The following NEK10 variants were observed in gnomAD, a reference collection of about 807,000 sequenced individuals.
NEK10 encodes NIMA related kinase 10.
In NEK10, 122 loss-of-function variants were observed where a neutral mutation model predicts 159.8. The observed-to-expected ratio is 0.76, with a 90% confidence interval of 0.66 to 0.89. The LOEUF (loss-of-function observed/expected upper bound fraction) is 0.89. Among genes scored for constraint, NEK10 ranks in the 40% least tolerant of loss-of-function variants. NEK10 has a pLI of 0.00. For synonymous variants in NEK10, 466 were observed against 457.1 expected, an observed-to-expected ratio of 1.02 and a Z score of -0.25; for missense variants, 1,342 against 1,323.1, an observed-to-expected ratio of 1.01 and a Z score of -0.22.
intron 3 of NEK10, among the ~76,000 whole-genome samples, chr3:27,352,065 G>T (rs1260382375): frequency 6.6e-6 from 1 of 152,152 alleles, no homozygotes; most frequent in African/African-American, 2.4e-5. Flanking sequence ...TGTAGCAAGG[G>T]GGCAGGATTG....
intron 22 of NEK10, among the ~76,000 whole-genome samples, chr3:27,276,726 G>A (rs1333336115): frequency 6.6e-6 from 1 of 152,018 alleles, no homozygotes; most frequent in Non-Finnish European, 1.5e-5. Flanking sequence ...CTCATTAACT[G>A]GCCGACAAAT....
chr3:27,335,539 A>T (rs2046740820), intron 5 of NEK10, among the ~76,000 whole-genome samples: 1 of 152,174 alleles, frequency 6.6e-6, no homozygotes, highest in Admixed American at 6.5e-5. Context: ...ATTTTATCCA[A>T]CAACTCAACA....
rs115863720 is a variant in NEK10 at position 27,206,825 on chromosome 3, T to C, written c.2091-4268A>G. Reference sequence around the variant, plus strand: ...TGAATTTCAAGCACTGTTTCTGAGGTGTACAAAACAACCCTGCAGGACAAA... The same window carrying C: ...TGAATTTCAAGCACTGTTTCTGAGGCGTACAAAACAACCCTGCAGGACAAA... On this transcript the variant is annotated intron_variant, in intron 23 of 35. Coordinates refer to ENST00000691995, the MANE Select transcript of NEK10 (RefSeq NM_001394966.1). 1.9e-3 allele frequency among the ~76,000 whole-genome samples: 292 copies of C among 152,194 alleles called. 1 individual carries two copies. The highest frequency in any genetic ancestry group is 2.8e-3 in the Non-Finnish European group (190 of 67,988).
chr3:27,307,033 G>GC lies in NEK10; in HGVS notation c.803+825dup, dbSNP rs1222420836. 3.3e-5 allele frequency among the ~76,000 whole-genome samples: 5 copies of GC among 152,158 alleles called. No homozygotes were observed. In the East Asian group the frequency reaches 9.6e-4, roughly 29 times the overall value. Reference sequence around the variant, plus strand: ...GCTCCATGTTCCCAGAGTACCCTGTGCATCTGTCTACCGTATCAGTTATAG... The same window carrying GC: ...GCTCCATGTTCCCAGAGTACCCTGTGCCATCTGTCTACCGTATCAGTTATAG... On this transcript the variant is annotated intron_variant, in intron 11 of 35. Transcript: ENST00000691995.
chr3:27,197,349 T>C (rs1949648683), intron 25 of NEK10, among the ~76,000 whole-genome samples: 1 of 151,812 alleles, frequency 6.6e-6, no homozygotes. Flanking sequence ...CTAATTTTTG[T>C]ATTTTTAATA....
chr3:27,341,218 G>C (rs1368751002), intron 5 of NEK10, among the ~76,000 whole-genome samples: 1 of 152,078 alleles, frequency 6.6e-6, no homozygotes, highest in East Asian at 1.9e-4. Context: ...AGTGCAAGGG[G>C]GGATAAACAG....
chr3:27,299,432 G>A (rs768559972), intron 13 of NEK10, among the ~76,000 whole-genome samples: 4 of 152,238 alleles, frequency 2.6e-5, no homozygotes, highest in Non-Finnish European at 4.4e-5. Flanking sequence ...CCAGGCAGAA[G>A]TTTGCTGCAG....
intron 19 of NEK10, among the ~76,000 whole-genome samples, chr3:27,289,528 A>G (rs2042851426): frequency 6.6e-6 from 1 of 152,316 alleles, no homozygotes; most frequent in East Asian, 1.9e-4. Context: ...CAAATAATCT[A>G]CTGCATCAAC....
At position 27,297,309 on chromosome 3, in the gene NEK10, T is replaced by C; in HGVS notation, c.1169-69A>G. ...AAATATACTATCACATAAATACTCT[T>C]ACTCCACAGGGTATTTTTATTATTT... On this transcript the variant is annotated intron_variant, in intron 13 of 35. Coordinates refer to ENST00000691995, the MANE Select transcript of NEK10 (RefSeq NM_001394966.1). 5.1e-6 allele frequency: 5 copies of C among 984,308 alleles called. No individual in the cohort carries two copies. In the South Asian group the frequency reaches 5.6e-5, roughly 11 times the overall value. The allele number at this position is 984,308 out of a possible 1,614,324, so 61.0% of individuals were successfully genotyped here.
At position 27,343,847 on chromosome 3, in the gene NEK10, C is replaced by T. The variant is rs549703767; in HGVS notation, c.362+425G>A. 2.6e-5 allele frequency among the ~76,000 whole-genome samples: 4 copies of T among 152,312 alleles called. No homozygotes were observed. In the East Asian group the frequency reaches 7.7e-4, roughly 29 times the overall value. On this transcript the variant is annotated intron_variant, in intron 5 of 35. Coordinates refer to ENST00000691995, the MANE Select transcript of NEK10 (RefSeq NM_001394966.1). ...CCTGAAAAGAAACATCTTTATGAGG[C>T]TGTGGCTGGATGTTACACACTCATC...
intron 25 of NEK10, among the ~76,000 whole-genome samples, chr3:27,193,106 T>G (rs1394406219): frequency 6.6e-6 from 1 of 152,218 alleles, no homozygotes; most frequent in Admixed American, 6.5e-5. Context: ...GCACATGCAT[T>G]GTAAAATTTC....
intron 13 of NEK10, 98 bp downstream of exon 13, chr3:27,301,598 T>A: frequency 1.1e-6 from 1 of 934,248 alleles, no homozygotes; most frequent in Non-Finnish European, 1.6e-6. Flanking sequence ...TGTAAACTTC[T>A]AAATTTTGCC....
At chr3:27,113,862 A>G (rs62255180) in intron 35 of NEK10, among the ~76,000 whole-genome samples, 3,840 of 152,276 alleles carry the variant, frequency 0.025, 72 homozygotes, top group Non-Finnish European at 0.031. Flanking sequence ...TTTTCTTGAT[A>G]TTTAAATGAT....
At chr3:27,269,775 A>C (rs1406260764) in intron 22 of NEK10, among the ~76,000 whole-genome samples, 9 of 152,208 alleles carry the variant, frequency 5.9e-5, no homozygotes, top group Admixed American at 5.9e-4. Context: ...GGTTATCTTT[A>C]ACTCTTTGTA....
chr3:27,269,184 A>G (rs954162489), intron 22 of NEK10, among the ~76,000 whole-genome samples: 1 of 152,212 alleles, frequency 6.6e-6, no homozygotes, highest in Non-Finnish European at 1.5e-5. Flanking sequence ...AGATGCTGTG[A>G]ACGTTGTTAA....
At chr3:27,145,814 C>G (rs975714474) in intron 30 of NEK10, among the ~76,000 whole-genome samples, 2 of 151,834 alleles carry the variant, frequency 1.3e-5, no homozygotes, top group Admixed American at 1.3e-4. Flanking sequence ...GGTTGAAATC[C>G]TAATCCCCAA....
chr3:27,157,255 C>A (rs1945566465), intron 30 of NEK10, among the ~76,000 whole-genome samples: 1 of 150,970 alleles, frequency 6.6e-6, no homozygotes, highest in Admixed American at 6.6e-5. Flanking sequence ...AATGGGTGCA[C>A]CAAAATCTCA....
At chr3:27,282,702 G>GTT (rs1401012854) in intron 22 of NEK10, among the ~76,000 whole-genome samples, 42 of 138,906 alleles carry the variant, frequency 3.0e-4, no homozygotes, top group East Asian at 1.7e-3. Context: ...ACATAACTGT[G>GTT]TTATATATAT....
intron 5 of NEK10, among the ~76,000 whole-genome samples, chr3:27,329,578 C>G (rs966258298): frequency 5.9e-5 from 9 of 152,182 alleles, no homozygotes; most frequent in Non-Finnish European, 1.3e-4. Flanking sequence ...AGCCAAGGAA[C>G]AACCAGTTCT....
Sources: allele counts gnomAD v4.1 joint callset (sites outside exome capture counted in the v4.1 genomes callset), GRCh38; gene constraint gnomAD v4.1.1; transcripts MANE v1.5; gene names NCBI Gene and HGNC (gene_info 2026-07-23, HGNC 2026-07-21).